Variants in GPC5 observed in about 807,000 individuals in gnomAD.
The protein encoded by GPC5 is glypican-5.
A neutral mutation model predicts 53.9 loss-of-function variants in GPC5; 47 were observed. That is an observed-to-expected ratio of 0.87 (90% CI 0.69 to 1.11). The LOEUF (loss-of-function observed/expected upper bound fraction) is 1.11. Ranked by LOEUF, GPC5 falls within the 50% of genes most tolerant of loss-of-function variation. The pLI is 0.00. For missense variants in GPC5, 748 were observed against 713.1 expected (o/e 1.05, Z -0.56); for synonymous variants, 286 against 263.3 (o/e 1.09, Z -0.84).
intron 2 of GPC5, among the ~76,000 whole-genome samples, chr13:91,483,794 A>T (rs148089103): frequency 4.6e-5 from 7 of 152,358 alleles, no homozygotes; most frequent in Non-Finnish European, 1.0e-4. Context: ...AAAATGATGT[A>T]TCATGAATCC....
chr13:91,938,114 A>C (rs2139040942), intron 6 of GPC5, among the ~76,000 whole-genome samples: 1 of 152,174 alleles, frequency 6.6e-6, no homozygotes, highest in South Asian at 2.1e-4. Context: ...GTCTGTTTTC[A>C]TTGCTAAAAA....
intron 7 of GPC5, among the ~76,000 whole-genome samples, chr13:92,291,265 G>A (rs1464740457): frequency 6.6e-6 from 1 of 152,188 alleles, no homozygotes; most frequent in South Asian, 2.1e-4. Context: ...AGCTCCACCT[G>A]CCGCCCTGTG....
chr13:92,608,724 G>C (rs188283130), intron 7 of GPC5, among the ~76,000 whole-genome samples: 1 of 152,100 alleles, frequency 6.6e-6, no homozygotes, highest in Non-Finnish European at 1.5e-5. Context: ...GTTCCTGCCC[G>C]TGACTCCACC....
chr13:92,838,484 C>CA (rs986572631), intron 7 of GPC5, among the ~76,000 whole-genome samples: 4 of 145,316 alleles, frequency 2.8e-5, no homozygotes, highest in East Asian at 2.0e-4. Flanking sequence ...CTCCGCGCCC[C>CA]CCCCAAAAAA....
chr13:92,774,646 A>G (rs1008048923), intron 7 of GPC5, among the ~76,000 whole-genome samples: 4 of 152,192 alleles, frequency 2.6e-5, no homozygotes, highest in African/African-American at 4.8e-5. Flanking sequence ...ATCCATATTT[A>G]TTCCTGAATC....
intron 6 of GPC5, among the ~76,000 whole-genome samples, chr13:92,012,078 G>T (rs1472169770): frequency 6.6e-6 from 1 of 152,084 alleles, no homozygotes; most frequent in East Asian, 1.9e-4. Flanking sequence ...TAATAAGAGA[G>T]AATTTAATAT....
intron 7 of GPC5, among the ~76,000 whole-genome samples, chr13:92,708,055 T>C (rs1282654704): frequency 6.6e-6 from 1 of 152,162 alleles, no homozygotes; most frequent in Admixed American, 6.6e-5. Context: ...AATGAAGGCA[T>C]TATCATGAAC....
intron 7 of GPC5, among the ~76,000 whole-genome samples, chr13:92,730,569 G>A (rs969286564): frequency 6.0e-5 from 9 of 151,174 alleles, no homozygotes; most frequent in African/African-American, 2.2e-4. Flanking sequence ...AAAAATGTAA[G>A]ATCTGTGTCC....
At chr13:92,785,910 A>G (rs1334756515) in intron 7 of GPC5, among the ~76,000 whole-genome samples, 1 of 152,192 alleles carries the variant, frequency 6.6e-6, no homozygotes, top group African/African-American at 2.4e-5. Flanking sequence ...CTTATATGTT[A>G]AGTGTTTATA....
chr13:92,742,807 C>T (rs1889139853), intron 7 of GPC5, among the ~76,000 whole-genome samples: 1 of 152,048 alleles, frequency 6.6e-6, no homozygotes, highest in South Asian at 2.1e-4. Flanking sequence ...TATGGCTAGC[C>T]AGTTTTCCCA....
At chr13:92,134,175 T>C (rs556608035) in intron 6 of GPC5, among the ~76,000 whole-genome samples, 1 of 152,256 alleles carries the variant, frequency 6.6e-6, no homozygotes, top group African/African-American at 2.4e-5. Flanking sequence ...CTTGTTTGCC[T>C]CAGGAACAGT....
intron 2 of GPC5, among the ~76,000 whole-genome samples, chr13:91,480,986 A>G (rs1345895500): frequency 6.6e-6 from 1 of 151,988 alleles, no homozygotes; most frequent in East Asian, 1.9e-4. Context: ...CTTCCAGATA[A>G]ATAGAACCCC....
intron 7 of GPC5, among the ~76,000 whole-genome samples, chr13:92,545,917 T>G (rs1254979129): frequency 6.6e-6 from 1 of 152,202 alleles, no homozygotes. Flanking sequence ...AGAAGCTCTT[T>G]AGTTTAATTA....
chr13:91,715,960 G>A (rs980582198), intron 3 of GPC5, among the ~76,000 whole-genome samples: 2 of 151,854 alleles, frequency 1.3e-5, no homozygotes, highest in African/African-American at 4.8e-5. Flanking sequence ...AATACTTTTT[G>A]TAGAGACAAG....
chr13:91,465,038 G>C (rs979038629), intron 2 of GPC5, among the ~76,000 whole-genome samples: 2 of 152,002 alleles, frequency 1.3e-5, no homozygotes, highest in Non-Finnish European at 2.9e-5. Flanking sequence ...CTGAATAATT[G>C]CTCTTGGGAC....
chr13:92,531,944 C>T (rs1385743782), intron 7 of GPC5, among the ~76,000 whole-genome samples: 2 of 152,176 alleles, frequency 1.3e-5, no homozygotes, highest in Non-Finnish European at 2.9e-5. Context: ...TTGGATAGTA[C>T]AGTGTCATTA....
chr13:91,734,634 G>C (rs2036775289), intron 4 of GPC5, among the ~76,000 whole-genome samples: 1 of 151,424 alleles, frequency 6.6e-6, no homozygotes, highest in Non-Finnish European at 1.5e-5. Flanking sequence ...ACTTATGCAA[G>C]GTTCTTTCTC....
chr13:91,740,204 A>T (rs2036901308), intron 4 of GPC5, among the ~76,000 whole-genome samples: 1 of 152,136 alleles, frequency 6.6e-6, no homozygotes, highest in African/African-American at 2.4e-5. Flanking sequence ...TGACCTAGAG[A>T]TGCCTGAATT....
chr13:91,944,800 A>G (rs1317425927), intron 6 of GPC5, among the ~76,000 whole-genome samples: 5 of 152,188 alleles, frequency 3.3e-5, no homozygotes, highest in Non-Finnish European at 7.3e-5. Flanking sequence ...ATGGGCGCTT[A>G]TAACTGTACA....
Sources: allele counts gnomAD v4.1 joint callset (sites outside exome capture counted in the v4.1 genomes callset), GRCh38; gene constraint gnomAD v4.1.1; transcripts MANE v1.5; gene names NCBI Gene and HGNC (gene_info 2026-07-23, HGNC 2026-07-21).